RPTOR: variants seen among roughly 807,000 people sequenced by gnomAD.
The protein encoded by RPTOR is regulatory associated protein of MTOR complex 1.
Under a neutral mutation model 169.9 loss-of-function variants are expected in RPTOR, and 21 were observed. That is an observed-to-expected ratio of 0.12 (90% CI 0.09 to 0.18). The LOEUF is 0.18. Among genes scored for constraint, RPTOR ranks in the 10% least tolerant of loss-of-function variants. The pLI, the probability that RPTOR is intolerant of heterozygous loss-of-function variation, is 1.00. For missense variants in RPTOR, 1,133 were observed against 1,855.9 expected, an observed-to-expected ratio of 0.61 and a Z score of 7.16; for synonymous variants, 732 against 753.2, an observed-to-expected ratio of 0.97 and a Z score of 0.46.
intron 4 of RPTOR, among the ~76,000 whole-genome samples, chr17:80,719,557 C>T (rs991710154): frequency 2.0e-5 from 3 of 152,186 alleles, no homozygotes; most frequent in Admixed American, 6.5e-5. Flanking sequence ...ACTGTGGTCT[C>T]ATCTGGATTT....
intron 4 of RPTOR, among the ~76,000 whole-genome samples, chr17:80,711,322 A>G (rs1243717328): frequency 6.6e-6 from 1 of 152,188 alleles, no homozygotes; most frequent in Non-Finnish European, 1.5e-5. Context: ...TGGAAGGAAC[A>G]GTAGGATGAA....
chr17:80,758,420 T>C (rs1331004553), intron 6 of RPTOR, among the ~76,000 whole-genome samples: 1 of 152,018 alleles, frequency 6.6e-6, no homozygotes, highest in Non-Finnish European at 1.5e-5. Context: ...GACCTTGACT[T>C]CTCCTGGGAC....
At chr17:80,882,531 C>T (rs569195849) in intron 14 of RPTOR, among the ~76,000 whole-genome samples, 13 of 152,284 alleles carry the variant, frequency 8.5e-5, no homozygotes, top group Admixed American at 7.8e-4. Context: ...CGACCACGGT[C>T]GGGTCACCTG....
At chr17:80,940,902 G>GCAGCCCT (rs1419798666) in intron 25 of RPTOR, among the ~76,000 whole-genome samples, 1 of 152,214 alleles carries the variant, frequency 6.6e-6, no homozygotes, top group East Asian at 1.9e-4. Flanking sequence ...CTCTGCAAGG[G>GCAGCCCT]CAGCCCTCAG....
chr17:80,673,167 T>C (rs1598210246), intron 3 of RPTOR, among the ~76,000 whole-genome samples: 2 of 152,146 alleles, frequency 1.3e-5, no homozygotes, highest in Non-Finnish European at 2.9e-5. Flanking sequence ...CCTCAGGTGA[T>C]TGGCCTCCCC....
At chr17:80,579,022 C>T (rs1039915890) in intron 1 of RPTOR, among the ~76,000 whole-genome samples, 1 of 152,146 alleles carries the variant, frequency 6.6e-6, no homozygotes, top group African/African-American at 2.4e-5. Context: ...CTTGCTTTGT[C>T]CCCTTGCAAC....
rs774937584 is a variant in RPTOR, at chr17:80,643,756, T to G, written c.294T>G (p.Ala98=). The G allele has an allele frequency of 1.2e-6, 2 of 1,613,580 alleles. No homozygotes were observed. Among genetic ancestry groups the G allele is most frequent in the Non-Finnish European group, 1.7e-6 (2 of 1,179,808 alleles). The change falls in exon 3 of 34, where the codon GCT becomes GCG. Residue 98 remains alanine (A), a synonymous_variant. Transcript: ENST00000306801. ...IDPLSMGPQK[A]LETIGANLQK... Reference sequence around the variant, plus strand: ...CTCTGTCGATGGGTCCTCAGAAAGCTCTGGAAACCATCGGTGCAAATTTAC... The same window carrying G: ...CTCTGTCGATGGGTCCTCAGAAAGCGCTGGAAACCATCGGTGCAAATTTAC...
At chr17:80,757,625 T>G (rs1259299778) in intron 6 of RPTOR, among the ~76,000 whole-genome samples, 8 of 152,198 alleles carry the variant, frequency 5.3e-5, no homozygotes, top group African/African-American at 1.9e-4. Context: ...TTGTCCATAT[T>G]TGGGGGGTCC....
At chr17:80,673,980 G>A (rs752879683) in intron 3 of RPTOR, among the ~76,000 whole-genome samples, 2 of 152,226 alleles carry the variant, frequency 1.3e-5, no homozygotes, top group Non-Finnish European at 2.9e-5. Flanking sequence ...CACTGAGAGT[G>A]TCATCATCTT....
chr17:80,906,058 C>T (rs61134409), intron 20 of RPTOR, among the ~76,000 whole-genome samples: 4,913 of 152,210 alleles, frequency 0.032, 234 homozygotes, highest in African/African-American at 0.11. Flanking sequence ...CAGTCATCAA[C>T]GGGCATCTTA....
Position 80,665,430 on chromosome 17 carries a change from T to TG in RPTOR, c.348+21620_348+21621insG, listed in dbSNP as rs2065763013. ...TTCCTTTCCTTTCCTTTCCTTTCCT[T>TG]TCCTTTCCTTTCCTTTCCTTTCCTT... On this transcript the variant is annotated intron_variant, in intron 3 of 33. Coordinates refer to ENST00000306801, the MANE Select transcript of RPTOR (RefSeq NM_020761.3). Among the ~76,000 whole-genome samples the TG allele has an allele frequency of 1.9e-4, 3 of 15,400 alleles. No homozygotes were observed. In the African/African-American group the frequency reaches 2.0e-3, roughly 10 times the overall value. The allele number at this position is 15,400 out of a possible 152,430, so 10.1% of individuals were successfully genotyped here.
chr17:80,703,556 GATCA>G (rs1165769765), intron 3 of RPTOR, among the ~76,000 whole-genome samples: 1 of 152,070 alleles, frequency 6.6e-6, no homozygotes. Flanking sequence ...GACCCAGGAG[GATCA>G]AGGAGATATC....
At chr17:80,665,761 G>A (rs934492614) in intron 3 of RPTOR, among the ~76,000 whole-genome samples, 15 of 151,978 alleles carry the variant, frequency 9.9e-5, no homozygotes, top group African/African-American at 3.6e-4. Flanking sequence ...TAGCCAGGAT[G>A]GTCTCGATCT....
At chr17:80,559,021 C>T (rs1036987320) in intron 1 of RPTOR, among the ~76,000 whole-genome samples, 1 of 152,144 alleles carries the variant, frequency 6.6e-6, no homozygotes, top group Non-Finnish European at 1.5e-5. Flanking sequence ...CACCAGCATC[C>T]ACCACCAGCA....
chr17:80,841,411 A>G lies in RPTOR; in HGVS notation c.1212+3414A>G, dbSNP rs1484833996. Reference sequence around the variant, plus strand: ...GGCAGCTCACACCGCACGGCAGCTCACACTCACCACACGGCAGCTCACACT... The same window carrying G: ...GGCAGCTCACACCGCACGGCAGCTCGCACTCACCACACGGCAGCTCACACT... On this transcript the variant is annotated intron_variant, in intron 10 of 33. Transcript: ENST00000306801. Among the ~76,000 whole-genome samples the G allele has an allele frequency of 2.4e-5, 3 of 127,028 alleles. 1 individual carries two copies. Among genetic ancestry groups the G allele is most frequent in the East Asian group, 2.7e-4 (1 of 3,766 alleles). The allele number at this position is 127,028 out of a possible 152,430, so 83.3% of individuals were successfully genotyped here.
At chr17:80,613,046 A>G (rs1026650562) in intron 1 of RPTOR, among the ~76,000 whole-genome samples, 24 of 152,118 alleles carry the variant, frequency 1.6e-4, no homozygotes, top group Admixed American at 9.2e-4. Context: ...CCCCCCTTGG[A>G]TGCATCTCCT....
At position 80,823,963 on chromosome 17, in the gene RPTOR, C is replaced by T. The variant is rs1481377764; in HGVS notation, c.1136+740C>T. On this transcript the variant is annotated intron_variant, in intron 9 of 33. Coordinates refer to ENST00000306801, the MANE Select transcript of RPTOR (RefSeq NM_020761.3). This position sits in a 1 kb window ranked among gnomAD's most constrained non-coding sequence, Gnocchi z 4.5. Reference sequence around the variant, plus strand: ...CAAATATTTTTAAAAGAGCGATTAACGTATGCCTAGCCGCAGAAGCCATCA... The same window carrying T: ...CAAATATTTTTAAAAGAGCGATTAATGTATGCCTAGCCGCAGAAGCCATCA... 1.2e-4 allele frequency among the ~76,000 whole-genome samples: 19 copies of T among 152,314 alleles called. No homozygotes were observed. Among genetic ancestry groups the T allele is most frequent in the Admixed American group, 9.8e-4 (15 of 15,304 alleles).
At chr17:80,868,913 CAGAA>C (rs1338713175) in intron 13 of RPTOR, among the ~76,000 whole-genome samples, 2 of 152,024 alleles carry the variant, frequency 1.3e-5, no homozygotes, top group African/African-American at 4.8e-5. Context: ...ACTACAGTCA[CAGAA>C]AGAAGATGAG....
chr17:80,677,879 A>T (rs1238205048), intron 3 of RPTOR, among the ~76,000 whole-genome samples: 1 of 152,188 alleles, frequency 6.6e-6, no homozygotes, highest in Non-Finnish European at 1.5e-5. Flanking sequence ...TGGTAGCAGG[A>T]TTGATATCAG....
Sources: allele counts gnomAD v4.1 joint callset (sites outside exome capture counted in the v4.1 genomes callset), GRCh38; gene constraint gnomAD v4.1.1; non-coding constraint Gnocchi (gnomAD v3.1); transcripts MANE v1.5; gene names NCBI Gene and HGNC (gene_info 2026-07-23, HGNC 2026-07-21).